Variants in SPIDR observed in about 807,000 individuals in gnomAD.
SPIDR encodes scaffold protein involved in DNA repair, also known as DNA repair-scaffolding protein.
SPIDR carries 93 observed loss-of-function variants against 104.6 expected under a neutral mutation model. The ratio of observed to expected loss-of-function variants is 0.89; its 90% CI spans 0.75 to 1.06. The LOEUF (loss-of-function observed/expected upper bound fraction) is 1.06. Ranked by LOEUF, SPIDR falls within the 50% of genes least tolerant of loss-of-function variation. The pLI, the probability that SPIDR is intolerant of heterozygous loss-of-function variation, is 0.00. For missense variants in SPIDR, 1,154 were observed against 1,111.2 expected (o/e 1.04, Z -0.55); for synonymous variants, 431 against 416.9 (o/e 1.03, Z -0.41).
In SPIDR at chr8:47,345,136, T is replaced by C. The variant is rs1403991687; in HGVS notation, c.525+51106T>C. 1.1e-4 allele frequency among the ~76,000 whole-genome samples: 16 copies of C among 152,360 alleles called. No homozygotes were observed. In the East Asian group the frequency reaches 3.1e-3, roughly 29 times the overall value. ...CTTTAATCCATCTTGAAATAATTTTTATATAAGGTGTAAGGAAGGGATCCA... is the reference window on the plus strand; with the variant it reads ...CTTTAATCCATCTTGAAATAATTTTCATATAAGGTGTAAGGAAGGGATCCA... On this transcript the variant is annotated intron_variant, in intron 5 of 19. Coordinates refer to ENST00000297423, the MANE Select transcript of SPIDR (RefSeq NM_001080394.4).
chr8:47,315,796 A>G (rs2045230757), intron 5 of SPIDR, among the ~76,000 whole-genome samples: 1 of 152,186 alleles, frequency 6.6e-6, no homozygotes, highest in Admixed American at 6.5e-5. Context: ...TGGAACAACT[A>G]GACATCTGTA....
chr8:47,592,792 G>T (rs1178071968), intron 8 of SPIDR, among the ~76,000 whole-genome samples: 1 of 152,180 alleles, frequency 6.6e-6, no homozygotes, highest in Admixed American at 6.5e-5. Context: ...AACTCAAGAG[G>T]AGTAGGAAAG....
intron 19 of SPIDR, among the ~76,000 whole-genome samples, chr8:47,730,769 T>C (rs1396183045): frequency 6.6e-6 from 1 of 152,098 alleles, no homozygotes; most frequent in Non-Finnish European, 1.5e-5. Flanking sequence ...CCTGCCCCAC[T>C]ACCCCTGCCA....
intron 3 of SPIDR, among the ~76,000 whole-genome samples, chr8:47,286,243 T>C (rs370602488): frequency 5.3e-5 from 8 of 152,282 alleles, no homozygotes; most frequent in African/African-American, 1.9e-4. Flanking sequence ...GTTAAGAACA[T>C]GGACTCAGAA....
At chr8:47,713,950 C>A (rs2082218406) in intron 16 of SPIDR, among the ~76,000 whole-genome samples, 1 of 152,150 alleles carries the variant, frequency 6.6e-6, no homozygotes, top group Admixed American at 6.5e-5. Context: ...AAGCTGAGCT[C>A]TGAAGCATAG....
chr8:47,597,080 A>C lies in SPIDR; in HGVS notation c.1293+1074A>C, dbSNP rs2061704430. ...ATGTTTTACAGATAACTTGTTTTTT[A>C]ACAAGTAGAATACTCTAAAATAACA... On this transcript the variant is annotated intron_variant, in intron 9 of 19. Transcript: ENST00000297423. 2.6e-5 allele frequency among the ~76,000 whole-genome samples: 4 copies of C among 152,228 alleles called. No homozygotes were observed. The South Asian group carries it at 8.3e-4, about 31-fold the overall frequency.
chr8:47,349,841 G>A (rs1393301857), intron 5 of SPIDR, among the ~76,000 whole-genome samples: 1 of 152,218 alleles, frequency 6.6e-6, no homozygotes, highest in Admixed American at 6.5e-5. Context: ...CAGTATTAGG[G>A]CGGGAGTGTC....
intron 11 of SPIDR, among the ~76,000 whole-genome samples, chr8:47,692,359 G>T (rs530590939): frequency 6.6e-6 from 1 of 151,904 alleles, no homozygotes; most frequent in Non-Finnish European, 1.5e-5. Context: ...TCTGCTTTCC[G>T]TCTCTGTGGA....
At chr8:47,463,337 G>A (rs1427572734) in intron 8 of SPIDR, among the ~76,000 whole-genome samples, 1 of 151,596 alleles carries the variant, frequency 6.6e-6, no homozygotes, top group African/African-American at 2.4e-5. Context: ...CTCCAGCCTG[G>A]GTGACAGAGC....
chr8:47,398,007 G>T (rs529751418), intron 6 of SPIDR, among the ~76,000 whole-genome samples: 1 of 152,290 alleles, frequency 6.6e-6, no homozygotes, highest in Non-Finnish European at 1.5e-5. Context: ...ATGTGGCCGA[G>T]TTTAGTGGGA....
At chr8:47,287,429 G>A (rs2039054019) in intron 3 of SPIDR, among the ~76,000 whole-genome samples, 1 of 152,122 alleles carries the variant, frequency 6.6e-6, no homozygotes, top group Non-Finnish European at 1.5e-5. Context: ...ATTCACCAGG[G>A]TGGATTTTTT....
At chr8:47,343,569 A>C (rs948498949) in intron 5 of SPIDR, among the ~76,000 whole-genome samples, 7 of 152,306 alleles carry the variant, frequency 4.6e-5, no homozygotes, top group African/African-American at 1.7e-4. Context: ...AAGCTGAGGA[A>C]AGCTGCCTGG....
At chr8:47,563,513 A>G (rs770546820) in intron 8 of SPIDR, among the ~76,000 whole-genome samples, 1 of 152,192 alleles carries the variant, frequency 6.6e-6, no homozygotes, top group Non-Finnish European at 1.5e-5. Context: ...GTGGGATTCC[A>G]AATCCCATGT....
intron 5 of SPIDR, among the ~76,000 whole-genome samples, chr8:47,294,812 G>A (rs1487842614): frequency 5.3e-5 from 8 of 152,050 alleles, no homozygotes; most frequent in African/African-American, 1.7e-4. Context: ...TGTATTTTTT[G>A]TATGTTAACT....
intron 8 of SPIDR, among the ~76,000 whole-genome samples, chr8:47,448,247 G>A (rs550047843): frequency 2.6e-5 from 4 of 151,932 alleles, no homozygotes; most frequent in South Asian, 2.1e-4. Context: ...CTGTATTCCC[G>A]TTGCCTAGAA....
chr8:47,502,171 C>T (rs535395479), intron 8 of SPIDR, among the ~76,000 whole-genome samples: 3 of 152,060 alleles, frequency 2.0e-5, no homozygotes, highest in South Asian at 2.1e-4. Context: ...GAGTTAGGGA[C>T]GATTCCCTCT....
chr8:47,271,416 G>C (rs1029752128), intron 1 of SPIDR, among the ~76,000 whole-genome samples: 1 of 151,636 alleles, frequency 6.6e-6, no homozygotes, highest in Non-Finnish European at 1.5e-5. Flanking sequence ...TTTTTTTCCT[G>C]TTTCTCAGCT....
At chr8:47,679,194 C>T (rs982476281) in intron 11 of SPIDR, among the ~76,000 whole-genome samples, 2 of 152,200 alleles carry the variant, frequency 1.3e-5, no homozygotes, top group Non-Finnish European at 2.9e-5. Flanking sequence ...TGTGGCCCAA[C>T]ACAGACGCAT....
In SPIDR at chr8:47,511,858, G is replaced by A; in HGVS notation, c.1097+71316G>A. The A allele has an allele frequency of 4.8e-6, 4 of 835,224 alleles. No homozygotes were observed. In the South Asian group the frequency reaches 5.3e-5, roughly 11 times the overall value. 51.7% of individuals were successfully genotyped at this position (835,224 alleles called of 1,614,324 possible). ...CTGTCCACTTCTCTCTGAGGCCCCG[G>A]CATAAAACCTCTGGCCTTCCTCCTC... On this transcript the variant is annotated intron_variant, in intron 8 of 19. Transcript: ENST00000297423.
Sources: gnomAD v4.1 joint callset for allele counts (sites outside exome capture counted in the v4.1 genomes callset) on GRCh38, gnomAD v4.1.1 for gene constraint, MANE v1.5 for transcripts, NCBI Gene and HGNC (gene_info 2026-07-23, HGNC 2026-07-21) for gene names.